Variants in CDK16 observed in about 807,000 individuals in gnomAD.
CDK16 encodes cyclin-dependent kinase 16.
CDK16 carries 2 observed loss-of-function variants against 41.6 expected under a neutral mutation model. The observed-to-expected ratio is 0.05, with a 90% confidence interval of 0.02 to 0.15. The LOEUF is 0.15. CDK16 is among the 10% of genes least tolerant of loss of function. CDK16 has a pLI of 1.00. For missense variants in CDK16, 228 were observed against 428.9 expected (o/e 0.53, Z 4.14); for synonymous variants, 169 against 169.7 (o/e 1.00, Z 0.03).
At position 47,224,818 on chromosome X, in the gene CDK16, C is replaced by T. The variant is rs1323182439; in HGVS notation, c.463-16C>T. The T allele has an allele frequency of 1.7e-6, 2 of 1,211,513 alleles. No homozygotes were observed. The highest frequency in any genetic ancestry group is 3.5e-5 in the African/African-American group (2 of 57,682). ...TTCTCCTGAGCCAGCTTTAACCTGC[C>T]TCATTTGTCCCACAGTCTGAGATTG... On this transcript the variant is annotated splice_polypyrimidine_tract_variant and intron_variant, in intron 4 of 15. Transcript: ENST00000357227.
rs1937546983 is a variant in CDK16 at position 47,226,392 on chromosome X, G to C, written c.906G>C (p.Leu302=). The change falls in exon 9 of 16, where the codon CTG becomes CTC. Residue 302 remains leucine (L), a synonymous_variant. Transcript: ENST00000357227. ...TCAACGAGAGGGGAGAGCTCAAGCT[G>C]GCTGACTTTGGTACCACTGGCCTCC... The part of the protein sequence containing the change: ...LLINERGELK[L]ADFGLARAKS... The C allele has an allele frequency of 2.5e-6, 3 of 1,209,166 alleles. No individual in the cohort carries two copies. The highest frequency in any genetic ancestry group is 3.4e-6 in the Non-Finnish European group (3 of 894,526).
intron 1 of CDK16, among the ~76,000 whole-genome samples, chrX:47,220,814 A>G (rs1478804136): frequency 9.0e-6 from 1 of 111,241 alleles, no homozygotes; most frequent in Non-Finnish European, 1.9e-5. Context: ...TCAGAGCAGC[A>G]TGAAGAAGGT....
At chrX:47,227,288 C>T in intron 13 of CDK16, 65 bp downstream of exon 13, 1 of 1,110,135 alleles carries the variant, frequency 9.0e-7, no homozygotes, top group Non-Finnish European at 1.2e-6. Context: ...AGGGACCCCC[C>T]CCCTCAAACC....
At chrX:47,223,050 C>T in intron 1 of CDK16, 1 of 1,146,390 alleles carries the variant, frequency 8.7e-7, no homozygotes, top group African/African-American at 1.8e-5. Flanking sequence ...CCTGTGGCCA[C>T]AGGGAATAGT....
chrX:47,227,077 G>A lies in CDK16; in HGVS notation c.1219G>A (p.Ala407Thr). Residue 407 changes from alanine to threonine, a missense_variant, in exon 12 of 16, where the codon GCC (alanine) becomes ACC (threonine). By Grantham distance (58) the Ala-to-Thr change is moderately conservative (BLOSUM62 0). This residue lies in a region of CDK16 where 91 missense variants were observed against 129.5 expected (regional missense o/e 0.70). Coordinates refer to ENST00000357227, the MANE Select transcript of CDK16 (RefSeq NM_006201.5). The stretch of plus-strand genomic sequence containing the variant: ...CAACTACCCCAAGTACCGAGCCGAG[G>A]CCCTTTTGAGCCACGCACCCCGGTG... ...TYNYPKYRAE[A>T]LLSHAPRLDS... The A allele has an allele frequency of 8.3e-7, 1 of 1,211,684 alleles. No individual in the cohort carries two copies. Among genetic ancestry groups the A allele is most frequent in the South Asian group, 1.8e-5 (1 of 56,982 alleles).
In CDK16 at chrX:47,225,960, C is replaced by T. The variant is rs1459809736; in HGVS notation, c.730-5C>T. 2 of 1,201,455 alleles carry T rather than the reference C, an allele frequency of 1.7e-6. No homozygotes were observed. Among genetic ancestry groups the T allele is most frequent in the African/African-American group, 3.5e-5 (2 of 56,980 alleles). On this transcript the variant is annotated splice_region_variant and splice_polypyrimidine_tract_variant and intron_variant, in intron 7 of 15. Coordinates refer to ENST00000357227, the MANE Select transcript of CDK16 (RefSeq NM_006201.5). ...TCATTCCTGTACCACCTCTTCTTTC[C>T]TCAGGACAAGGACCTGAAGCAGTAC...
Position 47,228,725 on chromosome X carries a change from CCA to C in CDK16, c.1454-3_1454-2del. 8.3e-7 allele frequency: 1 copy of C among 1,210,073 alleles called. No homozygotes were observed. On this transcript the variant is annotated splice_region_variant and splice_polypyrimidine_tract_variant and intron_variant, in intron 15 of 15. Transcript: ENST00000357227. The stretch of plus-strand genomic sequence containing the variant: ...CAACAGCCATCTGCTCTGCTTTCCC[CCA>C]CAGGCAGGCCAGCTTTCCGCGTGGT...
intron 8 of CDK16, 58 bp from the exon 9 acceptor site, chrX:47,226,221 C>T (rs778939570): frequency 8.3e-7 from 1 of 1,204,066 alleles, no homozygotes; most frequent in Admixed American, 2.2e-5. Flanking sequence ...GCAGTGCCTG[C>T]TGGGGGTCGG....
At chrX:47,223,484 T>C in intron 1 of CDK16, 68 bp from the exon 2 acceptor site, 1 of 1,101,508 alleles carries the variant, frequency 9.1e-7, no homozygotes, top group Non-Finnish European at 1.2e-6. Context: ...GCTGTGGGCT[T>C]TAGGGAACCC....
intron 1 of CDK16, chrX:47,223,106 A>G: frequency 4.3e-6 from 5 of 1,156,258 alleles, no homozygotes; most frequent in African/African-American, 1.8e-5. Context: ...ATGCCACTCT[A>G]TGGCCGTGCT....
Position 47,226,163 on chromosome X carries a change from C to T in CDK16, c.793-116C>T, listed in dbSNP as rs776099327. 1.6e-5 allele frequency: 18 copies of T among 1,137,677 alleles called. 1 individual carries two copies. In the East Asian group the frequency reaches 2.1e-4, roughly 13 times the overall value. The allele number at this position is 1,137,677 out of a possible 1,213,427, so 93.8% of individuals were successfully genotyped here. A position where few individuals can be genotyped will look rare whatever the true frequency, so the allele number is the denominator to read the frequency against. Reference sequence around the variant, plus strand: ...TTGGAGGGCACTGGGACCCTGTCCTCTTTTGTGTGACAAGGCTCTGGGCCT... The same window carrying T: ...TTGGAGGGCACTGGGACCCTGTCCTTTTTTGTGTGACAAGGCTCTGGGCCT... On this transcript the variant is annotated intron_variant, in intron 8 of 15. Coordinates refer to ENST00000357227, the MANE Select transcript of CDK16 (RefSeq NM_006201.5).
At chrX:47,220,821 A>C (rs1053567412) in intron 1 of CDK16, among the ~76,000 whole-genome samples, 1 of 111,160 alleles carries the variant, frequency 9.0e-6, no homozygotes, top group Non-Finnish European at 1.9e-5. Context: ...AGCATGAAGA[A>C]GGTCCAGTGA....
At position 47,228,594 on chromosome X, in the gene CDK16, T is replaced by C. The variant is rs1409656929; in HGVS notation, c.1403T>C (p.Ile468Thr). 8.3e-7 allele frequency: 1 copy of C among 1,210,954 alleles called. No individual in the cohort carries two copies. The highest frequency in any genetic ancestry group is 1.1e-6 in the Non-Finnish European group (1 of 894,802). ...ACTTCCATATTTGCACTAAAGGAGATTCAGCTACAAAAGGAGGCCAGCCTT... is the reference window on the plus strand; with the variant it reads ...ACTTCCATATTTGCACTAAAGGAGACTCAGCTACAAAAGGAGGCCAGCCTT... ...DTTSIFALKE[I>T]QLQKEASLRS... Residue 468 changes from isoleucine to threonine, a missense_variant, in exon 15 of 16, where the codon ATT (isoleucine) becomes ACT (threonine). Physicochemically the swap from Ile to Thr is moderately conservative, Grantham distance 89. Around this residue, in one of 3 missense-constraint regions of CDK16, gnomAD observed 91 missense variants for 129.5 expected, o/e 0.70. Transcript: ENST00000357227.
In CDK16 at chrX:47,223,653, C is replaced by A. The variant is rs1369207873; in HGVS notation, c.96C>A (p.Gly32=). 8.3e-7 allele frequency: 1 copy of A among 1,211,261 alleles called. No individual in the cohort carries two copies. The highest frequency in any genetic ancestry group is 1.8e-5 in the South Asian group (1 of 56,926). ...DKTNGAPEQI[G]LDESGGGGGS... is the part of the protein sequence containing the mutation. The stretch of plus-strand genomic sequence containing the variant: ...CCAATGGTGCCCCTGAGCAGATAGG[C>A]CTGGATGAGAGTGGTGGTGGTGGCG... Residue 32 remains glycine, a synonymous_variant, in exon 2 of 16, where the codon GGC becomes GGA. Transcript: ENST00000357227.
Position 47,226,988 on chromosome X carries a change from T to C in CDK16, c.1136-6T>C, listed in dbSNP as rs1344138392. The C allele has an allele frequency of 8.3e-7, 1 of 1,210,092 alleles. No individual in the cohort carries two copies. The highest frequency in any genetic ancestry group is 1.8e-5 in the South Asian group (1 of 56,903). The stretch of plus-strand genomic sequence containing the variant: ...AATGTTTGGGATAACTCCTCTTCCC[T>C]ACTAGGAACCCCAACTGAGGAGACG... On this transcript the variant is annotated splice_polypyrimidine_tract_variant and splice_region_variant and intron_variant, in intron 11 of 15. Coordinates refer to ENST00000357227, the MANE Select transcript of CDK16 (RefSeq NM_006201.5).
rs180754755 is a variant in CDK16, at chrX:47,223,582, C to T, written c.25C>T (p.Arg9Trp). The T allele has an allele frequency of 2.1e-5, 26 of 1,209,709 alleles. No homozygotes were observed. The highest frequency in any genetic ancestry group is 3.5e-5 in the African/African-American group (2 of 57,253). Residue 9 changes from arginine to tryptophan, a missense_variant, in exon 2 of 16, where the codon CGG becomes TGG. Around this residue, in one of 3 missense-constraint regions of CDK16, gnomAD observed 71 missense variants for 102.2 expected, o/e 0.69. Coordinates refer to ENST00000357227, the MANE Select transcript of CDK16 (RefSeq NM_006201.5). ...CATGGATCGGATGAAGAAGATCAAACGGCAGCTGTCAATGACACTCCGAGG... is the reference window on the plus strand; with the variant it reads ...CATGGATCGGATGAAGAAGATCAAATGGCAGCTGTCAATGACACTCCGAGG... MDRMKKIK[R>W]QLSMTLRGGR...
chrX:47,222,580 C>T (rs1010703647), intron 1 of CDK16, among the ~76,000 whole-genome samples: 1 of 97,875 alleles, frequency 1.0e-5, no homozygotes, highest in Non-Finnish European at 2.0e-5. Context: ...GTACCAGGAA[C>T]AGCCAGTGTA....
chrX:47,225,692 C>T (rs1937530895), intron 6 of CDK16, 80 bp from the exon 7 acceptor site: 2 of 741,725 alleles, frequency 2.7e-6, no homozygotes, highest in South Asian at 4.5e-5. Flanking sequence ...GGGCTTGTCC[C>T]TTTCTAGTCC....
chrX:47,226,725 G>T (rs1937556208), intron 10 of CDK16, 22 bp downstream of exon 10: 1 of 1,199,050 alleles, frequency 8.3e-7, no homozygotes, highest in Non-Finnish European at 1.1e-6. Flanking sequence ...TGGAAGTGTG[G>T]CAGGGGCCAT....
Sources: gnomAD v4.1 joint callset for allele counts (sites outside exome capture counted in the v4.1 genomes callset) on GRCh38, gnomAD v4.1.1 for gene constraint, gnomAD v4.1.1 regional missense constraint, MANE v1.5 for transcripts, NCBI Gene and HGNC (gene_info 2026-07-23, HGNC 2026-07-21) for gene names.